The following TIMM10 variants were observed in gnomAD, a reference collection of about 807,000 sequenced individuals.
The protein encoded by TIMM10 is mitochondrial import inner membrane translocase subunit Tim10.
A neutral mutation model predicts 9.1 loss-of-function variants in TIMM10; 13 were observed. That is an observed-to-expected ratio of 1.42 (90% CI 0.93 to 2.26). The LOEUF is 2.26. TIMM10 is among the 30% of genes most tolerant of loss of function. The pLI is 0.00. For missense variants in TIMM10, 82 were observed against 113.6 expected, an observed-to-expected ratio of 0.72 and a Z score of 1.26; for synonymous variants, 40 against 42.1, an observed-to-expected ratio of 0.95 and a Z score of 0.20.
rs145077770 is a variant in TIMM10, at chr11:57,530,174, C to T, written c.16G>A (p.Ala6Thr). 2.5e-6 allele frequency: 4 copies of T among 1,614,012 alleles called. No homozygotes were observed. Among genetic ancestry groups the T allele is most frequent in the Non-Finnish European group, 3.4e-6 (4 of 1,180,016 alleles). The change falls in exon 2 of 3, where the codon GCC (alanine) becomes ACC (threonine). Residue 6 changes from alanine to threonine, a missense_variant. Physicochemically the swap from Ala to Thr is moderately conservative, Grantham distance 58 (BLOSUM62 0). Transcript: ENST00000257245. The stretch of plus-strand genomic sequence containing the variant: ...TCCAGCTCCGCAGCCAGCTGTTGGG[C>T]CCTGAGAGGATCCATCTCAGCCTAG... MDPLR[A>T]QQLAAELEVE...
chr11:57,528,602 A>G lies in TIMM10; in HGVS notation c.*115T>C. 4.1e-6 allele frequency: 4 copies of G among 964,088 alleles called. No individual in the cohort carries two copies. Among genetic ancestry groups the G allele is most frequent in the Non-Finnish European group, 6.3e-6 (4 of 635,132 alleles). The allele number at this position is 964,088 out of a possible 1,614,324, so 59.7% of individuals were successfully genotyped here. A position where few individuals can be genotyped will look rare whatever the true frequency, so the allele number is the denominator to read the frequency against. On this transcript the variant is annotated 3_prime_UTR_variant, in exon 3 of 3. Transcript: ENST00000257245. Reference sequence around the variant, plus strand: ...GCGCTACCACTCCGGGATCTTGAAGACTCTCTACAGAGAGCCTAGGCCTGG... The same window carrying G: ...GCGCTACCACTCCGGGATCTTGAAGGCTCTCTACAGAGAGCCTAGGCCTGG...
chr11:57,529,350 A>G (rs966498680), intron 2 of TIMM10, among the ~76,000 whole-genome samples: 1 of 152,242 alleles, frequency 6.6e-6, no homozygotes, highest in Non-Finnish European at 1.5e-5. Flanking sequence ...TATAGCCTTC[A>G]GGATAAACCA....
chr11:57,529,863 C>A (rs1565151315), intron 2 of TIMM10, among the ~76,000 whole-genome samples: 1 of 152,148 alleles, frequency 6.6e-6, no homozygotes, highest in Non-Finnish European at 1.5e-5. Flanking sequence ...GGAACCTAAC[C>A]AGAGCCTGGA....
intron 2 of TIMM10, among the ~76,000 whole-genome samples, chr11:57,529,179 A>AACC (rs1273977591): frequency 6.6e-6 from 1 of 152,248 alleles, no homozygotes; most frequent in African/African-American, 2.4e-5. Flanking sequence ...GCATTCTGTT[A>AACC]TGCAATGCTT....
chr11:57,529,967 T>G, intron 2 of TIMM10, 152 bp downstream of exon 2: 1 of 744,490 alleles, frequency 1.3e-6, no homozygotes, highest in Non-Finnish European at 2.3e-6. Context: ...TGCATCTACA[T>G]TAGGATCAAC....
chr11:57,528,906 G>C lies in TIMM10; in HGVS notation c.84C>G (p.Ala28=), dbSNP rs1465599064. 1 of 1,613,098 alleles carries C rather than the reference G, an allele frequency of 6.2e-7. No individual in the cohort carries two copies. Among genetic ancestry groups the C allele is most frequent in the Non-Finnish European group, 8.5e-7 (1 of 1,180,026 alleles). Residue 28 remains alanine (A), a synonymous_variant, in exon 3 of 3, where the codon GCC becomes GCG. Transcript: ENST00000257245. The part of the protein sequence containing the change: ...MADMYNRMTS[A]CHRKCVPPHY... ...GAGGAGGCACACACTTCCGGTGGCA[G>C]GCACTGGTCATTCTGGAGGGAGGGA...
intron 2 of TIMM10, among the ~76,000 whole-genome samples, chr11:57,529,877 G>A (rs1355434719): frequency 1.3e-5 from 2 of 152,186 alleles, no homozygotes; most frequent in Admixed American, 6.5e-5. Context: ...GCCTGGATTG[G>A]AGTTTCTCTT....
chr11:57,530,380 G>A (rs1263167843), intron 1 of TIMM10, 146 bp from the exon 2 acceptor site: 1 of 574,930 alleles, frequency 1.7e-6, no homozygotes, highest in Non-Finnish European at 3.1e-6. Context: ...CACGGATGTG[G>A]AAACTGAGGC....
chr11:57,528,832 C>A lies in TIMM10; in HGVS notation c.158G>T (p.Arg53Leu). The A allele has an allele frequency of 6.2e-7, 1 of 1,614,070 alleles. No individual in the cohort carries two copies. Among genetic ancestry groups the A allele is most frequent in the Non-Finnish European group, 8.5e-7 (1 of 1,180,014 alleles). ...LSKGESVCLDRCVSKYLDIHE... is the reference protein window; with the variant it reads ...LSKGESVCLDLCVSKYLDIHE... ...GATGTCCAGGTACTTAGAGACACATCGGTCCAGGCACACAGACTCGCCCTT... is the reference window on the plus strand; with the variant it reads ...GATGTCCAGGTACTTAGAGACACATAGGTCCAGGCACACAGACTCGCCCTT... The change falls in exon 3 of 3, where the codon CGA (arginine) becomes CTA (leucine). Residue 53 changes from arginine to leucine, a missense_variant. Arg to Leu is a moderately radical substitution (Grantham distance 102). Coordinates refer to ENST00000257245, the MANE Select transcript of TIMM10 (RefSeq NM_012456.3).
At position 57,530,116 on chromosome 11, in the gene TIMM10, T is replaced by A. The variant is rs759447388; in HGVS notation, c.71+3A>T. 5 of 1,614,098 alleles carry A rather than the reference T, an allele frequency of 3.1e-6. No individual in the cohort carries two copies. The highest frequency in any genetic ancestry group is 4.2e-6 in the Non-Finnish European group (5 of 1,179,940). The stretch of plus-strand genomic sequence containing the variant: ...AGACAGGGTAGCACATAGTTCTCTT[T>A]ACCTGTTGTACATATCGGCCATCAT... On this transcript the variant is annotated splice_donor_region_variant and intron_variant, in intron 2 of 2. Coordinates refer to ENST00000257245, the MANE Select transcript of TIMM10 (RefSeq NM_012456.3).
At chr11:57,530,024 T>G in intron 2 of TIMM10, 95 bp downstream of exon 2, 1 of 1,426,986 alleles carries the variant, frequency 7.0e-7, no homozygotes, top group Non-Finnish European at 9.8e-7. Context: ...CAGGCTCCCC[T>G]ACATTCAGGA....
chr11:57,528,825 G>A lies in TIMM10; in HGVS notation c.165C>T (p.Val55=), dbSNP rs1944773927. The A allele has an allele frequency of 6.2e-7, 1 of 1,614,062 alleles. No individual in the cohort carries two copies. Among genetic ancestry groups the A allele is most frequent in the Non-Finnish European group, 8.5e-7 (1 of 1,180,018 alleles). The stretch of plus-strand genomic sequence containing the variant: ...GCTCATGGATGTCCAGGTACTTAGA[G>A]ACACATCGGTCCAGGCACACAGACT... ...KGESVCLDRC[V]SKYLDIHERM... The change falls in exon 3 of 3, where the codon GTC becomes GTT. Residue 55 remains valine, a synonymous_variant. Transcript: ENST00000257245.
intron 1 of TIMM10, 153 bp from the exon 2 acceptor site, chr11:57,530,387 A>G (rs1944787536): frequency 3.5e-6 from 2 of 566,954 alleles, no homozygotes; most frequent in Non-Finnish European, 6.4e-6. Flanking sequence ...GTGGAAACTG[A>G]GGCCTAGCCC....
Position 57,528,686 on chromosome 11 carries a change from G to T in TIMM10, c.*31C>A, listed in dbSNP as rs1158697299. ...GTTTATTAAAGTGGGAAGGGGTGGG[G>T]TACACCCCAGGGTGTATACTGACAG... On this transcript the variant is annotated 3_prime_UTR_variant, in exon 3 of 3. Coordinates refer to ENST00000257245, the MANE Select transcript of TIMM10 (RefSeq NM_012456.3). 6.3e-7 allele frequency: 1 copy of T among 1,597,894 alleles called. No homozygotes were observed. The highest frequency in any genetic ancestry group is 8.6e-7 in the Non-Finnish European group (1 of 1,166,712).
intron 1 of TIMM10, 74 bp from the exon 2 acceptor site, chr11:57,530,308 G>A: frequency 1.0e-6 from 1 of 978,650 alleles, no homozygotes; most frequent in Non-Finnish European, 1.6e-6. Context: ...AGGATACAGA[G>A]GACTCACAGG....
Position 57,528,817 on chromosome 11 carries a change from T to C in TIMM10, c.173A>G (p.Tyr58Cys), listed in dbSNP as rs1944773837. 4 of 1,614,046 alleles carry C rather than the reference T, an allele frequency of 2.5e-6. No homozygotes were observed. The highest frequency in any genetic ancestry group is 2.2e-5 in the East Asian group (1 of 44,862). ...GCCCATCCGCTCATGGATGTCCAGG[T>C]ACTTAGAGACACATCGGTCCAGGCA... The part of the protein sequence containing the change: ...SVCLDRCVSK[Y>C]LDIHERMGKK... Residue 58 changes from tyrosine (Y) to cysteine (C), a missense_variant, in exon 3 of 3, where the codon TAC (tyrosine) becomes TGC (cysteine). Physicochemically the swap from Tyr to Cys is radical, Grantham distance 194. Coordinates refer to ENST00000257245, the MANE Select transcript of TIMM10 (RefSeq NM_012456.3).
intron 2 of TIMM10, 107 bp from the exon 3 acceptor site, chr11:57,529,025 G>A: frequency 8.2e-7 from 1 of 1,213,392 alleles, no homozygotes; most frequent in Non-Finnish European, 1.2e-6. Context: ...CAAGAAAGCA[G>A]TGTAAATCCT....
chr11:57,530,422 G>A (rs1213726073), intron 1 of TIMM10, 188 bp from the exon 2 acceptor site: 2 of 519,080 alleles, frequency 3.9e-6, no homozygotes, highest in Non-Finnish European at 7.0e-6. Flanking sequence ...CGTCTATGGC[G>A]AGCCTGGAAA....
intron 2 of TIMM10, 92 bp from the exon 3 acceptor site, chr11:57,529,010 T>G (rs539651339): frequency 5.2e-6 from 7 of 1,337,594 alleles, no homozygotes; most frequent in East Asian, 2.4e-5. Flanking sequence ...TGATTTCACC[T>G]CCCCCAAGAA....
Sources: gnomAD v4.1 joint callset for allele counts (sites outside exome capture counted in the v4.1 genomes callset) on GRCh38, gnomAD v4.1.1 for gene constraint, MANE v1.5 for transcripts, NCBI Gene and HGNC (gene_info 2026-07-23, HGNC 2026-07-21) for gene names.